Variants in CELF2 observed in about 807,000 individuals in gnomAD.
CELF2 encodes the protein CUG triplet repeat RNA-binding protein 2.
In CELF2, 8 loss-of-function variants were observed where a neutral mutation model predicts 62.6. That is an observed-to-expected ratio of 0.13 (90% CI 0.07 to 0.23). The LOEUF is 0.23. Ranked by LOEUF, CELF2 falls within the 10% of genes least tolerant of loss-of-function variation. CELF2 has a pLI of 1.00. For synonymous variants in CELF2, 258 were observed against 250.0 expected (o/e 1.03, Z -0.30); for missense variants, 333 against 671.0 (o/e 0.50, Z 5.56).
chr10:11,277,543 G>C (rs1380981434), intron 8 of CELF2, among the ~76,000 whole-genome samples: 1 of 152,306 alleles, frequency 6.6e-6, no homozygotes, highest in East Asian at 1.9e-4. Context: ...GAGTATCCTC[G>C]AGTGGATGAG....
chr10:10,694,627 T>C, the CELF2 span, among the ~76,000 whole-genome samples: 2 of 151,976 alleles, frequency 1.3e-5, no homozygotes, highest in Admixed American at 6.6e-5. Context: ...AAGTCTCCCA[T>C]TATGAATGTG....
chr10:11,263,981 C>G (rs1450759332), intron 5 of CELF2, among the ~76,000 whole-genome samples: 1 of 152,090 alleles, frequency 6.6e-6, no homozygotes, highest in Non-Finnish European at 1.5e-5. Flanking sequence ...ATTTTTTTCT[C>G]AAGTAATTGA....
chr10:11,141,203 G>A (rs1441049894), intron 1 of CELF2, among the ~76,000 whole-genome samples: 2 of 152,124 alleles, frequency 1.3e-5, no homozygotes, highest in Admixed American at 6.6e-5. Context: ...CTAGCACAGT[G>A]CCCCCTAACC....
chr10:11,191,141 C>A lies in CELF2; in HGVS notation c.271+25459C>A, dbSNP rs1046489796. Among the ~76,000 whole-genome samples the A allele has an allele frequency of 6.6e-6, 1 of 152,112 alleles. No individual in the cohort carries two copies. Among genetic ancestry groups the A allele is most frequent in the African/African-American group, 2.4e-5 (1 of 41,396 alleles). On this transcript the variant is annotated intron_variant, in intron 2 of 12. Coordinates refer to ENST00000633077, the MANE Select transcript of CELF2 (RefSeq NM_001326342.2). This position sits in a 1 kb window ranked among gnomAD's most constrained non-coding sequence, Gnocchi z 4.1. ...TCTGTTTTCTTGTCTGTAAATGGGG[C>A]CTGATGTATTGAAAGGCACCTGGCT... is the stretch of plus-strand genomic sequence containing the variant.
rs1161225866 is a variant in CELF2, at chr10:11,297,550, G to T, written c.976+8998G>T. ...GAGGAAAAGGCAGAAAGAGCTGACTGAAGTTTGAGTTGGGGAGTGGGTTCT... is the reference window on the plus strand; with the variant it reads ...GAGGAAAAGGCAGAAAGAGCTGACTTAAGTTTGAGTTGGGGAGTGGGTTCT... On this transcript the variant is annotated intron_variant, in intron 9 of 12. Transcript: ENST00000633077. The surrounding 1 kb of genome is among the most constrained non-coding windows in gnomAD (Gnocchi z 4.4). 6.6e-6 allele frequency among the ~76,000 whole-genome samples: 1 copy of T among 152,200 alleles called. No individual in the cohort carries two copies. Among genetic ancestry groups the T allele is most frequent in the Admixed American group, 6.5e-5 (1 of 15,280 alleles).
intron 1 of CELF2, among the ~76,000 whole-genome samples, chr10:11,058,973 G>A (rs2066039751): frequency 6.6e-6 from 1 of 152,118 alleles, no homozygotes; most frequent in African/African-American, 2.4e-5. Flanking sequence ...TTGAGACGGG[G>A]GGTTTCGCCA....
rs1388453706 is a variant in CELF2, at chr10:11,328,725, C to CCAGCTGCTCCA, written c.1439-191_1439-181dup. 6.6e-6 allele frequency among the ~76,000 whole-genome samples: 1 copy of CCAGCTGCTCCA among 152,172 alleles called. No individual in the cohort carries two copies. The highest frequency in any genetic ancestry group is 1.5e-5 in the Non-Finnish European group (1 of 68,020). Reference sequence around the variant, plus strand: ...CCATGATGCCACATTTCCAGTCCAGCCAGCTGCTCCACAGCTGCTCAGTGG... The same window carrying CCAGCTGCTCCA: ...CCATGATGCCACATTTCCAGTCCAGCCAGCTGCTCCACAGCTGCTCCACAGCTGCTCAGTGG... On this transcript the variant is annotated intron_variant, in intron 12 of 12. Coordinates refer to ENST00000633077, the MANE Select transcript of CELF2 (RefSeq NM_001326342.2). The surrounding 1 kb of genome is among the most constrained non-coding windows in gnomAD (Gnocchi z 6.4).
chr10:10,547,774 G>A, the CELF2 span, among the ~76,000 whole-genome samples: 1 of 149,722 alleles, frequency 6.7e-6, no homozygotes, highest in Non-Finnish European at 1.5e-5. Flanking sequence ...CTGAAGACTT[G>A]ATTCATCAAA....
rs569504295 is a variant in CELF2, at chr10:10,819,142, G to A, written c.53+20325G>A. Reference sequence around the variant, plus strand: ...TCTCATCTCTAACATGGGAATGATAGCTGTTCAGTATACCTCTCAAGGTGT... The same window carrying A: ...TCTCATCTCTAACATGGGAATGATAACTGTTCAGTATACCTCTCAAGGTGT... On this transcript the variant is annotated intron_variant, in intron 1 of 13. Transcript: ENST00000636488. Among the ~76,000 whole-genome samples the A allele has an allele frequency of 5.3e-5, 8 of 152,300 alleles. No homozygotes were observed. The East Asian group carries it at 1.5e-3, about 29-fold the overall frequency.
rs556340219 is a variant in CELF2, at chr10:10,824,429, C to T, written c.53+25612C>T. On this transcript the variant is annotated intron_variant, in intron 1 of 13. Transcript: ENST00000636488. ...CCCAAATTCAAATGCATATCTGGAA[C>T]CTGACATCTTCAACCAAGACTCTGC... 6.6e-5 allele frequency among the ~76,000 whole-genome samples: 10 copies of T among 152,264 alleles called. No homozygotes were observed. In the South Asian group the frequency reaches 2.1e-3, roughly 32 times the overall value.
chr10:11,086,782 A>T (rs1446136324), intron 1 of CELF2, among the ~76,000 whole-genome samples: 1 of 152,178 alleles, frequency 6.6e-6, no homozygotes, highest in African/African-American at 2.4e-5. Context: ...ATGGATGGGT[A>T]ATAGCTTCCT....
chr10:10,612,307 C>T, the CELF2 span, among the ~76,000 whole-genome samples: 4 of 152,252 alleles, frequency 2.6e-5, no homozygotes, highest in Admixed American at 2.6e-4. Context: ...TTATAAGCTT[C>T]ACTATAGATT....
chr10:11,173,365 C>A (rs991265779), intron 2 of CELF2, among the ~76,000 whole-genome samples: 7 of 152,196 alleles, frequency 4.6e-5, no homozygotes, highest in African/African-American at 1.4e-4. Flanking sequence ...GCTCCAGAGA[C>A]CCCAGATAAT....
chr10:10,546,051 G>A, the CELF2 span, among the ~76,000 whole-genome samples: 2,478 of 152,180 alleles, frequency 0.016, 68 homozygotes, highest in African/African-American at 0.056. Context: ...ATAGGACGAC[G>A]CTGACAACAA....
At position 11,280,624 on chromosome 10, in the gene CELF2, G is replaced by A. The variant is rs137890573; in HGVS notation, c.841+5504G>A. On this transcript the variant is annotated intron_variant, in intron 8 of 12. Transcript: ENST00000633077. The surrounding 1 kb of genome is among the most constrained non-coding windows in gnomAD (Gnocchi z 7.6). The stretch of plus-strand genomic sequence containing the variant: ...CTTCTCGCCCCGGGTTATTACTGTG[G>A]TGTGACAGAGCATGAGATGGTCAGT... Among the ~76,000 whole-genome samples the A allele has an allele frequency of 4.7e-4, 71 of 152,334 alleles. No individual in the cohort carries two copies. The highest frequency in any genetic ancestry group is 1.7e-3 in the African/African-American group (71 of 41,580).
rs1040595485 is a variant in CELF2 at position 11,303,656 on chromosome 10, G to A, written c.977-10483G>A. Among the ~76,000 whole-genome samples, 9 of 152,184 alleles carry A rather than the reference G, an allele frequency of 5.9e-5. No individual in the cohort carries two copies. In the East Asian group the frequency reaches 1.5e-3, roughly 26 times the overall value. On this transcript the variant is annotated intron_variant, in intron 9 of 12. Coordinates refer to ENST00000633077, the MANE Select transcript of CELF2 (RefSeq NM_001326342.2). ...AAGCCTCAGCTGAATGGAGCAGATG[G>A]CCTAAGGTCTTACAGACTGGAAGGA...
rs188795528 is a variant in CELF2 at position 10,987,207 on chromosome 10, A to G, written c.89+67208A>G. 8.5e-5 allele frequency among the ~76,000 whole-genome samples: 13 copies of G among 152,286 alleles called. No homozygotes were observed. In the South Asian group the frequency reaches 1.9e-3, roughly 22 times the overall value. On this transcript the variant is annotated intron_variant, in intron 2 of 13. Transcript: ENST00000636488. The stretch of plus-strand genomic sequence containing the variant: ...CAGCAAAAGGATTGATCATTTTAGA[A>G]TACCTTGTAAGTCAATAGTGAAAAC...
the CELF2 span, among the ~76,000 whole-genome samples, chr10:10,550,512 A>C: frequency 6.6e-6 from 1 of 152,190 alleles, no homozygotes; most frequent in Non-Finnish European, 1.5e-5. Flanking sequence ...AGAAGACAGG[A>C]AGAAACACTC....
chr10:10,802,653 G>C (rs530418299), intron 1 of CELF2, among the ~76,000 whole-genome samples: 1 of 152,108 alleles, frequency 6.6e-6, no homozygotes, highest in South Asian at 2.1e-4. Flanking sequence ...TCTGGGGAAG[G>C]ATTAAAAACC....
Sources: allele counts gnomAD v4.1 joint callset (sites outside exome capture counted in the v4.1 genomes callset), GRCh38; gene constraint gnomAD v4.1.1; non-coding constraint Gnocchi (gnomAD v3.1); transcripts MANE v1.5; gene names NCBI Gene and HGNC (gene_info 2026-07-23, HGNC 2026-07-21).